The following PRKCE variants were observed in gnomAD, a reference collection of about 807,000 sequenced individuals.
PRKCE encodes the protein protein kinase C epsilon type.
In PRKCE, 16 loss-of-function variants were observed where a neutral mutation model predicts 85.4. The observed-to-expected ratio is 0.19, with a 90% CI of 0.13 to 0.28. The LOEUF (loss-of-function observed/expected upper bound fraction) is 0.28, where lower values mean the gene tolerates loss of function less well. PRKCE is among the 10% of genes least tolerant of loss of function. The probability of loss-of-function intolerance (pLI) is 1.00; values close to 1 mark genes in which losing one functional copy is unlikely to be tolerated. For synonymous variants in PRKCE, 388 were observed against 371.5 expected (o/e 1.04, Z -0.51); for missense variants, 573 against 975.2 (o/e 0.59, Z 5.49).
At chr2:45,741,108 A>G (rs1449789417) in intron 1 of PRKCE, among the ~76,000 whole-genome samples, 4 of 152,206 alleles carry the variant, frequency 2.6e-5, no homozygotes, top group Non-Finnish European at 5.9e-5. Flanking sequence ...TGGAATTGAT[A>G]CATTTGAATG....
rs1705018477 is a variant in PRKCE at position 46,004,714 on chromosome 2, A to G, written c.1063+76A>G. 1 of 1,253,928 alleles carries G rather than the reference A, an allele frequency of 8.0e-7. No individual in the cohort carries two copies. The highest frequency in any genetic ancestry group is 1.1e-6 in the Non-Finnish European group (1 of 891,790). The allele number at this position is 1,253,928 out of a possible 1,614,324, so 77.7% of individuals were successfully genotyped here. A position where few individuals can be genotyped will look rare whatever the true frequency, so the allele number is the denominator to read the frequency against. On this transcript the variant is annotated intron_variant, in intron 8 of 14. Transcript: ENST00000306156. This position sits in a 1 kb window ranked among gnomAD's most constrained non-coding sequence, Gnocchi z 4.1. ...ACCAAGGAGCTCTGAGGCCTCTTTA[A>G]CCAAGAGTGAGCTTGTTAGCTGAAA... is the stretch of plus-strand genomic sequence containing the variant.
At chr2:46,051,142 C>T (rs1283206274) in intron 10 of PRKCE, among the ~76,000 whole-genome samples, 1 of 152,198 alleles carries the variant, frequency 6.6e-6, no homozygotes, top group African/African-American at 2.4e-5. Context: ...CAGTTCCTCC[C>T]GCAAGAGTAA....
intron 1 of PRKCE, among the ~76,000 whole-genome samples, chr2:45,708,642 C>T (rs1573010546): frequency 6.6e-6 from 1 of 152,200 alleles, no homozygotes; most frequent in Non-Finnish European, 1.5e-5. Flanking sequence ...TTGTTAATTG[C>T]CCAGCCTCGG....
intron 1 of PRKCE, among the ~76,000 whole-genome samples, chr2:45,756,272 T>C (rs938663): frequency 0.63 from 95,894 of 152,008 alleles, 30,835 homozygotes; most frequent in African/African-American, 0.75. Context: ...TACCAGATGA[T>C]AGGGCAGAGA....
intron 14 of PRKCE, among the ~76,000 whole-genome samples, chr2:46,163,323 T>C (rs867642100): frequency 2.4e-5 from 3 of 124,892 alleles, no homozygotes; most frequent in Non-Finnish European, 5.1e-5. Flanking sequence ...GAAGCTGAGG[T>C]GCACCCCACA....
chr2:45,761,983 G>C (rs1377480423), intron 1 of PRKCE, among the ~76,000 whole-genome samples: 1 of 152,140 alleles, frequency 6.6e-6, no homozygotes, highest in Non-Finnish European at 1.5e-5. Context: ...CTGCAGATCA[G>C]GCATTGATGA....
chr2:46,140,683 A>C (rs1675425356), intron 11 of PRKCE, among the ~76,000 whole-genome samples: 1 of 152,214 alleles, frequency 6.6e-6, no homozygotes, highest in South Asian at 2.1e-4. Context: ...CAATTACATA[A>C]AAATAAATAA....
At chr2:45,729,580 T>A (rs991421466) in intron 1 of PRKCE, among the ~76,000 whole-genome samples, 3 of 152,224 alleles carry the variant, frequency 2.0e-5, no homozygotes, top group Non-Finnish European at 4.4e-5. Flanking sequence ...CACTGACCCT[T>A]GGCTTCTGAA....
intron 1 of PRKCE, among the ~76,000 whole-genome samples, chr2:45,661,260 G>A (rs1265851826): frequency 6.6e-6 from 1 of 151,980 alleles, no homozygotes; most frequent in African/African-American, 2.4e-5. Context: ...TCGGATCACT[G>A]CAACCTCTGC....
At chr2:45,672,058 CT>C (rs1210432291) in intron 1 of PRKCE, among the ~76,000 whole-genome samples, 2 of 124,410 alleles carry the variant, frequency 1.6e-5, no homozygotes, top group South Asian at 2.6e-4. Flanking sequence ...GTGAGACCCC[CT>C]GTCTCAAAAA....
intron 2 of PRKCE, among the ~76,000 whole-genome samples, chr2:45,877,933 G>T (rs1694599258): frequency 6.6e-6 from 1 of 152,216 alleles, no homozygotes; most frequent in Non-Finnish European, 1.5e-5. Context: ...ACCACATCCA[G>T]ACAATGAGAT....
chr2:45,878,834 G>T (rs995911367), intron 2 of PRKCE, among the ~76,000 whole-genome samples: 20 of 152,128 alleles, frequency 1.3e-4, no homozygotes, highest in Admixed American at 1.2e-3. Context: ...ATTAGTGTTT[G>T]CTCCATTTCT....
chr2:45,809,254 C>A (rs1242333950), intron 1 of PRKCE, among the ~76,000 whole-genome samples: 1 of 152,180 alleles, frequency 6.6e-6, no homozygotes, highest in Non-Finnish European at 1.5e-5. Context: ...AGAACCTGGA[C>A]AACTGAGAAA....
intron 6 of PRKCE, 96 bp downstream of exon 6, chr2:45,984,776 A>G (rs1703176327): frequency 2.7e-6 from 4 of 1,502,110 alleles, no homozygotes; most frequent in South Asian, 1.3e-5. Context: ...GTCTGATTCC[A>G]GATTTGGCCA....
chr2:46,016,546 G>C (rs2104840808), intron 10 of PRKCE, among the ~76,000 whole-genome samples: 2 of 152,256 alleles, frequency 1.3e-5, no homozygotes, highest in Middle Eastern at 6.8e-3. Flanking sequence ...TAATCTAACT[G>C]CTGCAGCTTC....
At chr2:45,991,243 G>T (rs1703770952) in intron 6 of PRKCE, among the ~76,000 whole-genome samples, 1 of 152,020 alleles carries the variant, frequency 6.6e-6, no homozygotes, top group South Asian at 2.1e-4. Flanking sequence ...CCAACCTCAA[G>T]TGATCCACCT....
chr2:45,976,942 G>C (rs544177074), intron 3 of PRKCE, among the ~76,000 whole-genome samples: 1 of 150,002 alleles, frequency 6.7e-6, no homozygotes, highest in African/African-American at 2.4e-5. Context: ...TGTTGCCCAG[G>C]CTGGAGTGCA....
At chr2:45,693,851 A>T (rs952599723) in intron 1 of PRKCE, among the ~76,000 whole-genome samples, 8 of 152,128 alleles carry the variant, frequency 5.3e-5, no homozygotes, top group African/African-American at 1.9e-4. Context: ...AGGACAGTAC[A>T]TTGATAAGGC....
chr2:45,844,931 A>C (rs1468593006), intron 2 of PRKCE, among the ~76,000 whole-genome samples: 2 of 152,178 alleles, frequency 1.3e-5, no homozygotes, highest in Non-Finnish European at 2.9e-5. Flanking sequence ...TCACTGGGCT[A>C]AATTCTGAGT....
Sources: allele counts gnomAD v4.1 joint callset (sites outside exome capture counted in the v4.1 genomes callset), GRCh38; gene constraint gnomAD v4.1.1; non-coding constraint Gnocchi (gnomAD v3.1); transcripts MANE v1.5; gene names NCBI Gene and HGNC (gene_info 2026-07-23, HGNC 2026-07-21).